ASTN1: variants seen among roughly 807,000 people sequenced by gnomAD.
ASTN1 encodes astrotactin 1, also known as astrotactin-1.
In ASTN1, 41 loss-of-function variants were observed where a neutral mutation model predicts 140.7. The ratio of observed to expected loss-of-function variants is 0.29; its 90% CI spans 0.23 to 0.38. The LOEUF is 0.38. ASTN1 is among the 10% of genes least tolerant of loss of function. The pLI is 1.00. For synonymous variants in ASTN1, 640 were observed against 652.2 expected (o/e 0.98, Z 0.29); for missense variants, 1,479 against 1,678.8 (o/e 0.88, Z 2.08).
intron 10 of ASTN1, 71 bp downstream of exon 10, chr1:176,958,274 A>T: frequency 6.2e-7 from 1 of 1,603,868 alleles, no homozygotes; most frequent in Non-Finnish European, 8.5e-7. Context: ...CCCAGCACCT[A>T]AAACCTACAG....
intron 14 of ASTN1, among the ~76,000 whole-genome samples, 168 bp from the exon 15 acceptor site, chr1:176,936,538 T>C (rs962264939): frequency 2.6e-5 from 4 of 152,244 alleles, no homozygotes; most frequent in African/African-American, 7.2e-5. Context: ...TTATCATTTA[T>C]TGAACCCTTA....
chr1:177,100,280 T>A (rs557778448), intron 1 of ASTN1, among the ~76,000 whole-genome samples: 2 of 152,310 alleles, frequency 1.3e-5, no homozygotes, highest in Non-Finnish European at 2.9e-5. Context: ...GAATGTCTAT[T>A]ATTTTCCATC....
intron 6 of ASTN1, 66 bp downstream of exon 6, chr1:177,024,517 C>T (rs1226277612): frequency 2.5e-6 from 4 of 1,577,406 alleles, no homozygotes; most frequent in African/African-American, 2.7e-5. Flanking sequence ...CTTCTCTAGC[C>T]TTTGCCCAAC....
chr1:177,090,230 A>C (rs1232877820), intron 1 of ASTN1, among the ~76,000 whole-genome samples: 1 of 151,504 alleles, frequency 6.6e-6, no homozygotes, highest in Non-Finnish European at 1.5e-5. Context: ...TTACCCACAC[A>C]CAGTACCCTG....
At chr1:177,038,571 A>C (rs1367016712) in intron 2 of ASTN1, among the ~76,000 whole-genome samples, 1 of 152,212 alleles carries the variant, frequency 6.6e-6, no homozygotes, top group African/African-American at 2.4e-5. Flanking sequence ...ATCAACTTTC[A>C]ATATATTTCA....
intron 2 of ASTN1, among the ~76,000 whole-genome samples, chr1:177,034,495 G>T (rs1397266783): frequency 6.6e-6 from 1 of 152,052 alleles, no homozygotes; most frequent in African/African-American, 2.4e-5. Flanking sequence ...GTTCCATTAT[G>T]GGTATGAGTC....
intron 2 of ASTN1, among the ~76,000 whole-genome samples, chr1:177,056,567 A>ATG (rs1399816514): frequency 1.3e-4 from 19 of 144,200 alleles, no homozygotes; most frequent in African/African-American, 5.0e-4. Flanking sequence ...AATTTCATAT[A>ATG]TATATATATA....
chr1:176,940,751 G>A (rs1671680388), intron 14 of ASTN1, among the ~76,000 whole-genome samples: 1 of 152,182 alleles, frequency 6.6e-6, no homozygotes, highest in African/African-American at 2.4e-5. Flanking sequence ...CCAGCAGCAA[G>A]ATAAGACATG....
rs1332700214 is a variant in ASTN1, at chr1:176,882,908, T to C, written c.3313A>G (p.Thr1105Ala). ...MPSQVPDKQL[T>A]TISLIIRCLE... ...CATCGTATGATCAGAGAGATGGTGGTGAGCTGCTTGTCCGGCACCTGAGAT... is the reference window on the plus strand; with the variant it reads ...CATCGTATGATCAGAGAGATGGTGGCGAGCTGCTTGTCCGGCACCTGAGAT... The change falls in exon 20 of 23, where the codon ACC becomes GCC. Residue 1105 changes from threonine (T) to alanine (A), a missense_variant. By Grantham distance (58) the Thr-to-Ala change is moderately conservative (BLOSUM62 0). This residue lies in a region of ASTN1 where 746 missense variants were observed against 800.9 expected (regional missense o/e 0.93). Transcript: ENST00000361833. The C allele has an allele frequency of 1.9e-6, 3 of 1,614,100 alleles. No individual in the cohort carries two copies. The highest frequency in any genetic ancestry group is 2.2e-5 in the East Asian group (1 of 44,878).
intron 16 of ASTN1, among the ~76,000 whole-genome samples, chr1:176,924,625 GA>G (rs1557963541): frequency 1.3e-5 from 2 of 152,118 alleles, no homozygotes; most frequent in Non-Finnish European, 2.9e-5. Context: ...CTAGTCCAAT[GA>G]CTAGATATAG....
chr1:177,130,034 C>T (rs1681868477), intron 1 of ASTN1, among the ~76,000 whole-genome samples: 2 of 152,118 alleles, frequency 1.3e-5, no homozygotes, highest in African/African-American at 4.8e-5. Context: ...CTGCATTTCA[C>T]AGATTAGAAA....
At chr1:177,029,428 C>T (rs199722070) in intron 5 of ASTN1, 19 of 752,920 alleles carry the variant, frequency 2.5e-5, no homozygotes, top group Non-Finnish European at 4.2e-5. Context: ...GTGCCATTAT[C>T]TGGGAGAGAT....
chr1:176,934,319 G>A lies in ASTN1; in HGVS notation c.2504C>T (p.Ser835Leu), dbSNP rs765840266. The A allele has an allele frequency of 4.3e-6, 7 of 1,613,062 alleles. No homozygotes were observed. In the South Asian group the frequency reaches 4.4e-5, roughly 10 times the overall value. The change falls in exon 16 of 23, where the codon TCG becomes TTG. Residue 835 changes from serine to leucine, a missense_variant. Physicochemically the swap from Ser to Leu is moderately radical, Grantham distance 145. Coordinates refer to ENST00000361833, the MANE Select transcript of ASTN1 (RefSeq NM_004319.3). Reference protein sequence around the residue: ...ISQALSNALHSLDGATSRADF... With the variant: ...ISQALSNALHLLDGATSRADF... ...TGCACGAGATGTAGCCCCATCCAGCGAGTGGAGAGCATTGCTGAGGGCTAT... is the reference window on the plus strand; with the variant it reads ...TGCACGAGATGTAGCCCCATCCAGCAAGTGGAGAGCATTGCTGAGGGCTAT...
chr1:176,889,455 G>C (rs1323726010), intron 17 of ASTN1, among the ~76,000 whole-genome samples: 1 of 152,032 alleles, frequency 6.6e-6, no homozygotes, highest in African/African-American at 2.4e-5. Flanking sequence ...GAAAATTTTA[G>C]ACCAAAGAAT....
intron 1 of ASTN1, among the ~76,000 whole-genome samples, chr1:177,134,569 G>T (rs945417842): frequency 3.3e-5 from 5 of 152,140 alleles, no homozygotes; most frequent in Admixed American, 2.6e-4. Flanking sequence ...AATGAAAGGG[G>T]CTATCCTCCT....
At chr1:177,074,034 CT>C (rs1395001816) in intron 1 of ASTN1, among the ~76,000 whole-genome samples, 1 of 151,310 alleles carries the variant, frequency 6.6e-6, no homozygotes, top group Non-Finnish European at 1.5e-5. Flanking sequence ...CATAAAGCCA[CT>C]TGTTCCCCTT....
chr1:176,993,183 T>C (rs1437078787), intron 8 of ASTN1, among the ~76,000 whole-genome samples: 1 of 152,204 alleles, frequency 6.6e-6, no homozygotes, highest in Non-Finnish European at 1.5e-5. Context: ...TGGTATTTTG[T>C]TATGGGCAGG....
intron 11 of ASTN1, among the ~76,000 whole-genome samples, chr1:176,950,777 G>A (rs957521259): frequency 6.6e-6 from 1 of 152,018 alleles, no homozygotes; most frequent in Non-Finnish European, 1.5e-5. Flanking sequence ...GGCTTTTAAT[G>A]ACTATGCTGT....
chr1:176,868,894 A>G lies in ASTN1; in HGVS notation c.3597T>C (p.Tyr1199=). 5 of 1,609,958 alleles carry G rather than the reference A, an allele frequency of 3.1e-6. No individual in the cohort carries two copies. The highest frequency in any genetic ancestry group is 3.4e-6 in the Non-Finnish European group (4 of 1,177,370). The change falls in exon 22 of 23, where the codon TAT becomes TAC. Residue 1199 remains tyrosine, a synonymous_variant. Transcript: ENST00000361833. ...HRVLYHYNQH[Y]ESFGEFTWRC... The stretch of plus-strand genomic sequence containing the variant: ...GCCAGGTGAATTCCCCAAAACTCTC[A>G]TAGTGCTGGTTATAGTGGTAGAGGA...
Sources: gnomAD v4.1 joint callset for allele counts (sites outside exome capture counted in the v4.1 genomes callset) on GRCh38, gnomAD v4.1.1 for gene constraint, gnomAD v4.1.1 regional missense constraint, MANE v1.5 for transcripts, NCBI Gene and HGNC (gene_info 2026-07-23, HGNC 2026-07-21) for gene names.